CUL9: variants seen among roughly 807,000 people sequenced by gnomAD.
CUL9 encodes cullin 9, also known as cullin-9.
In CUL9, 79 loss-of-function variants were observed where a neutral mutation model predicts 272.6. The ratio of observed to expected loss-of-function variants is 0.29; its 90% CI spans 0.24 to 0.35. The LOEUF (loss-of-function observed/expected upper bound fraction) is 0.35. CUL9 is among the 10% of genes least tolerant of loss of function. The probability of loss-of-function intolerance (pLI) is 1.00; values close to 1 mark genes in which losing one functional copy is unlikely to be tolerated. For synonymous variants in CUL9, 1,186 were observed against 1,286.5 expected (o/e 0.92, Z 1.67); for missense variants, 2,532 against 3,255.6 (o/e 0.78, Z 5.41).
chr6:43,204,659 C>T (rs889609433), intron 21 of CUL9, 89 bp from the exon 22 acceptor site: 29 of 1,578,664 alleles, frequency 1.8e-5, no homozygotes, highest in Non-Finnish European at 2.4e-5. Context: ...CTGAGACCTA[C>T]TGGCCTTTCC....
intron 3 of CUL9, 87 bp downstream of exon 3, chr6:43,185,697 A>G (rs755424124): frequency 6.9e-7 from 1 of 1,444,184 alleles, no homozygotes; most frequent in East Asian, 2.4e-5. Flanking sequence ...TGTTAGCACC[A>G]GAGCCACCTG....
Position 43,213,140 on chromosome 6 carries a change from C to T in CUL9, c.5213-9C>T. ...TGTGTCTCCACCCTTCTCCTTGACA[C>T]TTGCCTAGGTCAGAACCATCCAGTC... is the stretch of plus-strand genomic sequence containing the variant. On this transcript the variant is annotated splice_polypyrimidine_tract_variant and intron_variant, in intron 26 of 40. Coordinates refer to ENST00000252050, the MANE Select transcript of CUL9 (RefSeq NM_015089.4). This position sits in a 1 kb window ranked among gnomAD's most constrained non-coding sequence, Gnocchi z 5.7. The T allele has an allele frequency of 6.2e-7, 1 of 1,613,208 alleles. No individual in the cohort carries two copies.
At chr6:43,215,397 G>A in intron 30 of CUL9, 71 bp downstream of exon 30, 2 of 1,508,006 alleles carry the variant, frequency 1.3e-6, no homozygotes, top group Non-Finnish European at 1.8e-6. Context: ...ATCCCTTGTG[G>A]AGAAACACTT....
intron 16 of CUL9, among the ~76,000 whole-genome samples, chr6:43,202,248 G>T (rs544478274): frequency 6.6e-6 from 1 of 152,310 alleles, no homozygotes; most frequent in African/African-American, 2.4e-5. Context: ...TTTCATTTGG[G>T]CATGATGACT....
rs1758787916 is a variant in CUL9 at position 43,187,035 on chromosome 6, A to C, written c.1327A>C (p.Thr443Pro). Reference sequence around the variant, plus strand: ...GGAGATCCTGGGCCCTGAGGAAGCCACTGAGGATAAGGCTTCAGCAGCTGT... The same window carrying C: ...GGAGATCCTGGGCCCTGAGGAAGCCCCTGAGGATAAGGCTTCAGCAGCTGT... ...MLEILGPEEA[T>P]EDKASAAVEK... Residue 443 changes from threonine to proline, a missense_variant, in exon 5 of 41, where the codon ACT (threonine) becomes CCT (proline). Physicochemically the swap from Thr to Pro is conservative, Grantham distance 38. Transcript: ENST00000252050. 1 of 1,614,046 alleles carries C rather than the reference A, an allele frequency of 6.2e-7. No homozygotes were observed.
At chr6:43,207,655 A>G (rs539000651) in intron 26 of CUL9, among the ~76,000 whole-genome samples, 4 of 152,150 alleles carry the variant, frequency 2.6e-5, no homozygotes, top group African/African-American at 9.6e-5. Flanking sequence ...TATATATTTT[A>G]ATTTCCAAAC....
rs779362747 is a variant in CUL9 at position 43,198,789 on chromosome 6, T to G, written c.2984T>G (p.Phe995Cys). 1.3e-5 allele frequency: 21 copies of G among 1,613,866 alleles called. No homozygotes were observed. Among genetic ancestry groups the G allele is most frequent in the Non-Finnish European group, 1.8e-5 (21 of 1,180,038 alleles). Residue 995 changes from phenylalanine (F) to cysteine (C), a missense_variant, in exon 12 of 41, where the codon TTC (phenylalanine) becomes TGC (cysteine). By Grantham distance (205) the Phe-to-Cys change is radical. This residue lies in a region of CUL9 where 2,218 missense variants were observed against 2,788.6 expected (regional missense o/e 0.80). Coordinates refer to ENST00000252050, the MANE Select transcript of CUL9 (RefSeq NM_015089.4). ...CGCCTCCAGCAGGAGACCCAGCCTT[T>G]CCTCCTGTTGCTGCGGACTCTGGAT... ...LKRLQQETQPFLLLLRTLDAP... is the reference protein window; with the variant it reads ...LKRLQQETQPCLLLLRTLDAP...
At chr6:43,193,706 G>A (rs1055917995) in intron 9 of CUL9, among the ~76,000 whole-genome samples, 2 of 152,024 alleles carry the variant, frequency 1.3e-5, no homozygotes, top group Non-Finnish European at 2.9e-5. Flanking sequence ...GCCCAGCCCA[G>A]GCCAGGGTTA....
In CUL9 at chr6:43,206,043, G is replaced by A. The variant is rs766189792; in HGVS notation, c.4830G>A (p.Ser1610=). The change falls in exon 25 of 41, where the codon TCG becomes TCA. Residue 1610 remains serine (S), a synonymous_variant. Coordinates refer to ENST00000252050, the MANE Select transcript of CUL9 (RefSeq NM_015089.4). This position sits in a 1 kb window ranked among gnomAD's most constrained non-coding sequence, Gnocchi z 4.8. ...CGGACCGTCTCCTGAGCTTTGGTTC[G>A]AGCTGGCTGGAGGGGGCTGTGCTAG... ...YMADRLLSFG[S]SWLEGAVLEQ... 3.7e-6 allele frequency: 6 copies of A among 1,613,956 alleles called. No homozygotes were observed. Among genetic ancestry groups the A allele is most frequent in the Admixed American group, 3.3e-5 (2 of 59,968 alleles).
chr6:43,203,994 A>G lies in CUL9; in HGVS notation c.4159+7A>G, dbSNP rs752183781. 20 of 1,590,736 alleles carry G rather than the reference A, an allele frequency of 1.3e-5. No homozygotes were observed. Among genetic ancestry groups the G allele is most frequent in the Non-Finnish European group, 1.6e-5 (19 of 1,164,820 alleles). The stretch of plus-strand genomic sequence containing the variant: ...CAGAACATCACCTCTCCCGGTAACC[A>G]TGCTGACACCTGGCCCCACTAACCA... On this transcript the variant is annotated splice_region_variant and intron_variant, in intron 20 of 40. Transcript: ENST00000252050. The surrounding 1 kb of genome is among the most constrained non-coding windows in gnomAD (Gnocchi z 5.0).
rs555374666 is a variant in CUL9 at position 43,223,914 on chromosome 6, C to T, written c.7285-181C>T. The T allele has an allele frequency of 2.9e-5, 19 of 651,712 alleles. No homozygotes were observed. The highest frequency in any genetic ancestry group is 1.1e-4 in the African/African-American group (6 of 55,838). 40.4% of individuals were successfully genotyped at this position (651,712 alleles called of 1,614,324 possible). A position where few individuals can be genotyped will look rare whatever the true frequency, so the allele number is the denominator to read the frequency against. On this transcript the variant is annotated intron_variant, in intron 39 of 40. Transcript: ENST00000252050. This position sits in a 1 kb window ranked among gnomAD's most constrained non-coding sequence, Gnocchi z 4.1. ...GGGTCGTGTGCCTCACCTGGTACCC[C>T]GTATCCCTGGAGACCATCTGTGGGT...
In CUL9 at chr6:43,200,722, C is replaced by T. The variant is rs758033591; in HGVS notation, c.3535C>T (p.Pro1179Ser). 3.1e-6 allele frequency: 5 copies of T among 1,614,200 alleles called. No individual in the cohort carries two copies. Among genetic ancestry groups the T allele is most frequent in the Middle Eastern group, 1.6e-4 (1 of 6,062 alleles). The change falls in exon 16 of 41, where the codon CCG becomes TCG. Residue 1179 changes from proline to serine, a missense_variant. Physicochemically the swap from Pro to Ser is moderately conservative, Grantham distance 74. This residue lies in a region of CUL9 where 2,218 missense variants were observed against 2,788.6 expected (regional missense o/e 0.80). Coordinates refer to ENST00000252050, the MANE Select transcript of CUL9 (RefSeq NM_015089.4). This position sits in a 1 kb window ranked among gnomAD's most constrained non-coding sequence, Gnocchi z 4.0. ...CWEKVEVSSN[P>S]HRASKLTDHN... ...GGAGAAGGTGGAGGTGTCCTCCAAC[C>T]CGCACCGAGCCAGCAAGCTGACGGA...
Position 43,203,266 on chromosome 6 carries a change from T to C in CUL9, c.3849+62T>C, listed in dbSNP as rs1442415232. ...AGGTGGCACACAAGTTTCTCCTTGA[T>C]CTGCTTGGGAGATGGCCCAGGACCT... On this transcript the variant is annotated intron_variant, in intron 18 of 40. Transcript: ENST00000252050. The surrounding 1 kb of genome is among the most constrained non-coding windows in gnomAD (Gnocchi z 5.0). 2 of 1,603,124 alleles carry C rather than the reference T, an allele frequency of 1.2e-6. No individual in the cohort carries two copies. Among genetic ancestry groups the C allele is most frequent in the South Asian group, 2.2e-5 (2 of 90,842 alleles).
rs2150511632 is a variant in CUL9 at position 43,184,207 on chromosome 6, C to A, written c.-9-95C>A. 2 of 953,702 alleles carry A rather than the reference C, an allele frequency of 2.1e-6. No homozygotes were observed. The highest frequency in any genetic ancestry group is 2.9e-6 in the Non-Finnish European group (2 of 681,630). 59.1% of individuals were successfully genotyped at this position (953,702 alleles called of 1,614,324 possible). ...AAATTCTACCATGCAGCCTACCGAT[C>A]ACCACCCACCTTCTCTGTGTCTCAA... On this transcript the variant is annotated intron_variant, in intron 1 of 40. Coordinates refer to ENST00000252050, the MANE Select transcript of CUL9 (RefSeq NM_015089.4). This position sits in a 1 kb window ranked among gnomAD's most constrained non-coding sequence, Gnocchi z 4.8.
chr6:43,200,118 A>G lies in CUL9; in HGVS notation c.3346A>G (p.Ser1116Gly). Reference sequence around the variant, plus strand: ...GTGTGAGAAGTACGCACAGCTCTATAGCAACCTCACCTCCAGCATCCTGGC... The same window carrying G: ...GTGTGAGAAGTACGCACAGCTCTATGGCAACCTCACCTCCAGCATCCTGGC... The part of the protein sequence containing the change: ...TECEKYAQLY[S>G]NLTSSILAGC... Residue 1116 changes from serine (S) to glycine (G), a missense_variant, in exon 14 of 41, where the codon AGC (serine) becomes GGC (glycine). Coordinates refer to ENST00000252050, the MANE Select transcript of CUL9 (RefSeq NM_015089.4). This position sits in a 1 kb window ranked among gnomAD's most constrained non-coding sequence, Gnocchi z 4.0. 6.2e-7 allele frequency: 1 copy of G among 1,614,172 alleles called. No individual in the cohort carries two copies. The highest frequency in any genetic ancestry group is 2.2e-5 in the East Asian group (1 of 44,888).
In CUL9 at chr6:43,206,838, A is replaced by T. The variant is rs1323243279; in HGVS notation, c.5212+328A>T. Among the ~76,000 whole-genome samples, 1 of 151,990 alleles carries T rather than the reference A, an allele frequency of 6.6e-6. No individual in the cohort carries two copies. The highest frequency in any genetic ancestry group is 1.9e-4 in the East Asian group (1 of 5,192). On this transcript the variant is annotated intron_variant, in intron 26 of 40. Coordinates refer to ENST00000252050, the MANE Select transcript of CUL9 (RefSeq NM_015089.4). This position sits in a 1 kb window ranked among gnomAD's most constrained non-coding sequence, Gnocchi z 4.8. ...TTTAGTGGCATCCTATAAAGTTTTA[A>T]AAGATTTTTTTTCTTTATTTTTTTG... is the stretch of plus-strand genomic sequence containing the variant.
Position 43,215,201 on chromosome 6 carries a change from C to A in CUL9, c.5811C>A (p.Gly1937=), listed in dbSNP as rs1397635718. The part of the protein sequence containing the change: ...LSCILHLLGQ[G]YVKRRDDRPQ... The stretch of plus-strand genomic sequence containing the variant: ...GCATCCTGCACCTCTTAGGCCAGGG[C>A]TACGTGAAACGGCGTGATGACCGGC... Residue 1937 remains glycine, a synonymous_variant, in exon 30 of 41, where the codon GGC becomes GGA. Transcript: ENST00000252050. 1 of 1,614,210 alleles carries A rather than the reference C, an allele frequency of 6.2e-7. No homozygotes were observed. The highest frequency in any genetic ancestry group is 2.2e-5 in the East Asian group (1 of 44,874).
In CUL9 at chr6:43,220,061, A is replaced by G. The variant is rs1428802833; in HGVS notation, c.6283-398A>G. On this transcript the variant is annotated intron_variant, in intron 31 of 40. Transcript: ENST00000252050. The surrounding 1 kb of genome is among the most constrained non-coding windows in gnomAD (Gnocchi z 4.9). ...GAGATAAGCCACTGGAGCTGGGAGG[A>G]GAGACCAGAGCTGTGTTGTCAGCCA... 6.6e-6 allele frequency among the ~76,000 whole-genome samples: 1 copy of G among 152,058 alleles called. No homozygotes were observed. Among genetic ancestry groups the G allele is most frequent in the Non-Finnish European group, 1.5e-5 (1 of 68,002 alleles).
chr6:43,212,201 GT>G (rs1390543925), intron 26 of CUL9, among the ~76,000 whole-genome samples: 1 of 152,194 alleles, frequency 6.6e-6, no homozygotes, highest in Non-Finnish European at 1.5e-5. Flanking sequence ...TTCATTGGTG[GT>G]ATGTGTCCTT....
Sources: gnomAD v4.1 joint callset for allele counts (sites outside exome capture counted in the v4.1 genomes callset) on GRCh38, gnomAD v4.1.1 for gene constraint, gnomAD v4.1.1 regional missense constraint, Gnocchi (gnomAD v3.1) non-coding constraint, MANE v1.5 for transcripts, NCBI Gene and HGNC (gene_info 2026-07-23, HGNC 2026-07-21) for gene names.